The following SLC39A10 variants were observed in gnomAD, a reference collection of about 807,000 sequenced individuals.
The protein encoded by SLC39A10 is zinc transporter ZIP10.
SLC39A10 carries 13 observed loss-of-function variants against 65.1 expected under a neutral mutation model. That is an observed-to-expected ratio of 0.20 (90% confidence interval 0.13 to 0.32). SLC39A10 has a LOEUF of 0.32. Among genes scored for constraint, SLC39A10 ranks in the 10% least tolerant of loss-of-function variants. SLC39A10 has a pLI of 1.00. For synonymous variants in SLC39A10, 321 were observed against 342.2 expected (o/e 0.94, Z 0.68); for missense variants, 831 against 1,018.4 (o/e 0.82, Z 2.50).
At chr2:195,699,882 T>A (rs1691110412) in intron 3 of SLC39A10, among the ~76,000 whole-genome samples, 1 of 152,174 alleles carries the variant, frequency 6.6e-6, no homozygotes. Flanking sequence ...GGTCTCCAAC[T>A]ATTATCTCCC....
At chr2:195,633,070 T>TA (rs111276900) in intron 2 of SLC39A10, among the ~76,000 whole-genome samples, 212 of 152,196 alleles carry the variant, frequency 1.4e-3, no homozygotes, top group African/African-American at 4.5e-3. Flanking sequence ...ATAAGAGAGC[T>TA]AAAAAAAATA....
intron 1 of SLC39A10, among the ~76,000 whole-genome samples, chr2:195,665,282 A>G (rs994662343): frequency 1.3e-5 from 2 of 152,152 alleles, no homozygotes; most frequent in Admixed American, 6.5e-5. Context: ...GCGCCATTGC[A>G]CTCCAGCCTG....
chr2:195,677,483 A>C (rs1438709459), intron 1 of SLC39A10, among the ~76,000 whole-genome samples: 1 of 152,182 alleles, frequency 6.6e-6, no homozygotes, highest in East Asian at 1.9e-4. Context: ...CCAGTGAGCT[A>C]TGATTGCGCC....
chr2:195,619,486 A>G (rs930679401), intron 2 of SLC39A10, among the ~76,000 whole-genome samples: 3 of 152,184 alleles, frequency 2.0e-5, no homozygotes, highest in Non-Finnish European at 2.9e-5. Context: ...TATCAATACT[A>G]TATTTGGAGT....
rs1435243177 is a variant in SLC39A10, at chr2:195,734,923, A to G, written c.2378A>G (p.His793Arg). 6.2e-7 allele frequency: 1 copy of G among 1,611,152 alleles called. No homozygotes were observed. The highest frequency in any genetic ancestry group is 8.5e-7 in the Non-Finnish European group (1 of 1,178,932). ...CATGGTGATGGTGACAATGAAGAAC[A>G]TGGCTTTTGTCCTGTGGGGCAATTC... is the stretch of plus-strand genomic sequence containing the variant. ...MLHGDGDNEE[H>R]GFCPVGQFIL... Residue 793 changes from histidine to arginine, a missense_variant, in exon 10 of 10, where the codon CAT becomes CGT. By Grantham distance (29) the His-to-Arg change is conservative. This residue lies in a region of SLC39A10 where 120 missense variants were observed against 203.9 expected (regional missense o/e 0.59). Coordinates refer to ENST00000359634, the MANE Select transcript of SLC39A10 (RefSeq NM_020342.3).
chr2:195,690,344 A>ATC (rs377318068), intron 3 of SLC39A10, among the ~76,000 whole-genome samples: 184 of 150,376 alleles, frequency 1.2e-3, no homozygotes, highest in African/African-American at 1.5e-3. Flanking sequence ...GAACATGGGC[A>ATC]TCTCTCTCTC....
At chr2:195,712,695 G>A (rs1691643475) in intron 5 of SLC39A10, among the ~76,000 whole-genome samples, 1 of 152,140 alleles carries the variant, frequency 6.6e-6, no homozygotes, top group African/African-American at 2.4e-5. Context: ...AGCAGTAAAA[G>A]CCAGACTGTG....
chr2:195,716,904 G>A lies in SLC39A10; in HGVS notation c.1964G>A (p.Cys655Tyr), dbSNP rs745588447. 1 of 1,614,146 alleles carries A rather than the reference G, an allele frequency of 6.2e-7. No homozygotes were observed. Among genetic ancestry groups the A allele is most frequent in the Non-Finnish European group, 8.5e-7 (1 of 1,180,022 alleles). The change falls in exon 7 of 10, where the codon TGT becomes TAT. Residue 655 changes from cysteine (C) to tyrosine (Y), a missense_variant. This residue lies in a region of SLC39A10 where 230 missense variants were observed against 242.9 expected (regional missense o/e 0.95). Coordinates refer to ENST00000359634, the MANE Select transcript of SLC39A10 (RefSeq NM_020342.3). Reference protein sequence around the residue: ...HKHSHHSHGPCHSGSDLKETG... With the variant: ...HKHSHHSHGPYHSGSDLKETG... ...CATTCTCATCATTCCCATGGCCCCT[G>A]TCATTCTGGATCCGATCTGAAAGAA...
intron 1 of SLC39A10, among the ~76,000 whole-genome samples, chr2:195,663,328 C>A (rs1342398859): frequency 6.6e-6 from 1 of 152,102 alleles, no homozygotes; most frequent in Non-Finnish European, 1.5e-5. Flanking sequence ...GAAGATGACT[C>A]CTTACATTAT....
chr2:195,709,349 G>A (rs893795481), intron 5 of SLC39A10, among the ~76,000 whole-genome samples: 8 of 151,946 alleles, frequency 5.3e-5, no homozygotes, highest in South Asian at 2.1e-4. Flanking sequence ...CTTGTGCCTC[G>A]GCCTCCTAAG....
At chr2:195,616,597 G>A (rs140893815) in intron 2 of SLC39A10, among the ~76,000 whole-genome samples, 41 of 147,426 alleles carry the variant, frequency 2.8e-4, no homozygotes, top group African/African-American at 1.0e-3. Flanking sequence ...GAGCCACCGC[G>A]CCTGGCCTGG....
chr2:195,715,544 A>G (rs1415123443), intron 6 of SLC39A10, among the ~76,000 whole-genome samples: 3 of 151,704 alleles, frequency 2.0e-5, no homozygotes, highest in South Asian at 2.1e-4. Context: ...AAAAAAAAAA[A>G]AAAAGAAATT....
chr2:195,677,585 TTATA>T (rs1690142639), intron 1 of SLC39A10, among the ~76,000 whole-genome samples: 1 of 152,152 alleles, frequency 6.6e-6, no homozygotes, highest in Non-Finnish European at 1.5e-5. Flanking sequence ...CTTTTTACCT[TTATA>T]TAAGAATTAT....
intron 1 of SLC39A10, among the ~76,000 whole-genome samples, chr2:195,678,361 A>C (rs1281573386): frequency 2.6e-5 from 4 of 152,156 alleles, no homozygotes; most frequent in African/African-American, 4.8e-5. Context: ...GGTTTCCTGA[A>C]GACTTCTGAG....
intron 6 of SLC39A10, 91 bp from the exon 7 acceptor site, chr2:195,716,546 A>G (rs1691815633): frequency 9.6e-7 from 1 of 1,041,684 alleles, no homozygotes; most frequent in Admixed American, 2.8e-5. Context: ...CATTCACTTA[A>G]GAAATGTTCA....
intron 3 of SLC39A10, among the ~76,000 whole-genome samples, chr2:195,699,623 C>A (rs1691100662): frequency 6.6e-6 from 1 of 151,948 alleles, no homozygotes; most frequent in South Asian, 2.1e-4. Flanking sequence ...TCTAACTATT[C>A]CATTATGGTA....
upstream of SLC39A10, chr2:195,656,874 C>T (rs916843420): frequency 1.3e-5 from 2 of 152,292 alleles, no homozygotes; most frequent in African/African-American, 4.8e-5. Context: ...ATAAAGGGCG[C>T]TCCACGCATG....
chr2:195,667,582 TA>T (rs1689682514), intron 1 of SLC39A10, among the ~76,000 whole-genome samples: 1 of 152,242 alleles, frequency 6.6e-6, no homozygotes, highest in African/African-American at 2.4e-5. Flanking sequence ...ATACTTTTTG[TA>T]ATTTAAGTGA....
chr2:195,694,303 T>A (rs542470215), intron 3 of SLC39A10, among the ~76,000 whole-genome samples: 1 of 152,236 alleles, frequency 6.6e-6, no homozygotes, highest in East Asian at 1.9e-4. Context: ...TCTGTAAATA[T>A]CTGTTCCGTT....
Sources: allele counts gnomAD v4.1 joint callset (sites outside exome capture counted in the v4.1 genomes callset), GRCh38; gene constraint gnomAD v4.1.1; regional missense constraint gnomAD v4.1.1; transcripts MANE v1.5; gene names NCBI Gene and HGNC (gene_info 2026-07-23, HGNC 2026-07-21).